Variants in RBFOX1 observed in about 807,000 individuals in gnomAD.
RBFOX1 encodes the protein RNA binding protein fox-1 homolog 1.
Under a neutral mutation model 57.7 loss-of-function variants are expected in RBFOX1, and 8 were observed. That is an observed-to-expected ratio of 0.14 (90% CI 0.08 to 0.25). The LOEUF is 0.25. Among genes scored for constraint, RBFOX1 ranks in the 10% least tolerant of loss-of-function variants. The pLI, the probability that RBFOX1 is intolerant of heterozygous loss-of-function variation, is 1.00. For missense variants in RBFOX1, 611 were observed against 548.5 expected, an observed-to-expected ratio of 1.11 and a Z score of -1.14; for synonymous variants, 326 against 222.4, an observed-to-expected ratio of 1.47 and a Z score of -4.15.
intron 3 of RBFOX1, among the ~76,000 whole-genome samples, chr16:5,817,900 C>T (rs1160368391): frequency 6.6e-6 from 1 of 151,944 alleles, no homozygotes; most frequent in Non-Finnish European, 1.5e-5. Flanking sequence ...CCGTGTTAGC[C>T]AGGATGGTCT....
rs564124037 is a variant in RBFOX1, at chr16:6,435,271, TTTGTTATTG to T, written c.-64+118229_-64+118237del. Among the ~76,000 whole-genome samples, 1,512 of 152,022 alleles carry T rather than the reference TTTGTTATTG, an allele frequency of 9.9e-3. 17 individuals are homozygous for T. Among genetic ancestry groups the T allele is most frequent in the Admixed American group, 0.037 (572 of 15,262 alleles). ...GTTTTGTGTCATTGCTAGCACTCAT[TTTGTTATTG>T]TTGTTATTGTTGTTGTTTTTTGTTT... On this transcript the variant is annotated intron_variant, in intron 2 of 15. Coordinates refer to ENST00000550418, the MANE Select transcript of RBFOX1 (RefSeq NM_018723.4).
intron 1 of RBFOX1, among the ~76,000 whole-genome samples, chr16:5,284,285 C>G (rs1460211086): frequency 6.6e-6 from 1 of 152,156 alleles, no homozygotes; most frequent in African/African-American, 2.4e-5. Context: ...TGAAAACAGA[C>G]TAATACACCC....
At chr16:6,630,920 G>C (rs772845604) in intron 2 of RBFOX1, among the ~76,000 whole-genome samples, 1 of 152,036 alleles carries the variant, frequency 6.6e-6, no homozygotes, top group Non-Finnish European at 1.5e-5. Context: ...GAGTACATTA[G>C]ACTTCAATTA....
At chr16:6,029,870 C>T (rs1022487701) in intron 1 of RBFOX1, among the ~76,000 whole-genome samples, 2 of 151,286 alleles carry the variant, frequency 1.3e-5, no homozygotes, top group East Asian at 1.9e-4. Context: ...GCAGGACAAG[C>T]GAGCTATGAA....
At chr16:6,986,906 G>C (rs921713514) in intron 3 of RBFOX1, among the ~76,000 whole-genome samples, 36 of 152,210 alleles carry the variant, frequency 2.4e-4, no homozygotes, top group African/African-American at 8.4e-4. Context: ...GACCTGAAAG[G>C]TTATCTAATC....
intron 3 of RBFOX1, among the ~76,000 whole-genome samples, chr16:5,815,204 G>C (rs951788200): frequency 4.6e-5 from 6 of 131,082 alleles, no homozygotes; most frequent in Non-Finnish European, 7.7e-5. Context: ...ATGTTGCCAA[G>C]GCTGGCCTCA....
intron 2 of RBFOX1, among the ~76,000 whole-genome samples, chr16:6,445,636 G>T (rs1429856303): frequency 6.8e-6 from 1 of 146,770 alleles, no homozygotes; most frequent in African/African-American, 2.5e-5. Flanking sequence ...AGGATGGCAT[G>T]CAGTGGGACA....
intron 3 of RBFOX1, among the ~76,000 whole-genome samples, chr16:5,642,833 G>T (rs962806897): frequency 6.6e-6 from 1 of 152,130 alleles, no homozygotes; most frequent in African/African-American, 2.4e-5. Flanking sequence ...CATAATACTA[G>T]AGGCAAGGTG....
At position 6,328,222 on chromosome 16, in the gene RBFOX1, A is replaced by G. The variant is rs7199423; in HGVS notation, c.-64+11165A>G. Among the ~76,000 whole-genome samples, 895 of 152,298 alleles carry G rather than the reference A, an allele frequency of 5.9e-3. 8 individuals are homozygous for G. The highest frequency in any genetic ancestry group is 0.02 in the African/African-American group (846 of 41,568). The stretch of plus-strand genomic sequence containing the variant: ...ATGTTCTGACTCATAAGTGGGAGCT[A>G]AGCTATGAGAATGCAAAGGCATAAG... On this transcript the variant is annotated intron_variant, in intron 2 of 15. Coordinates refer to ENST00000550418, the MANE Select transcript of RBFOX1 (RefSeq NM_018723.4).
chr16:7,015,981 C>A (rs1216164651), intron 3 of RBFOX1, among the ~76,000 whole-genome samples: 1 of 152,106 alleles, frequency 6.6e-6, no homozygotes, highest in Admixed American at 6.6e-5. Flanking sequence ...TGATAGGCAA[C>A]ACCAGTAGTT....
At chr16:7,320,726 T>G (rs1245264259) in intron 4 of RBFOX1, among the ~76,000 whole-genome samples, 1 of 152,248 alleles carries the variant, frequency 6.6e-6, no homozygotes, top group Non-Finnish European at 1.5e-5. Flanking sequence ...ACAGATGTGA[T>G]TGTAAGAAAC....
At chr16:5,816,053 C>T (rs1463408548) in intron 3 of RBFOX1, among the ~76,000 whole-genome samples, 4 of 152,186 alleles carry the variant, frequency 2.6e-5, no homozygotes, top group Non-Finnish European at 5.9e-5. Context: ...CTGGCTAGGG[C>T]TGATAAGGTC....
At chr16:6,498,951 C>T (rs1267304812) in intron 2 of RBFOX1, among the ~76,000 whole-genome samples, 3 of 152,150 alleles carry the variant, frequency 2.0e-5, no homozygotes, top group Non-Finnish European at 4.4e-5. Context: ...CCTTCTCCTC[C>T]AATACACCCC....
At chr16:6,714,080 G>T (rs568306427) in intron 3 of RBFOX1, among the ~76,000 whole-genome samples, 1 of 152,170 alleles carries the variant, frequency 6.6e-6, no homozygotes. Flanking sequence ...TGCCATTCTT[G>T]TGATAGTAAG....
chr16:5,303,844 C>A (rs993712332), intron 1 of RBFOX1, among the ~76,000 whole-genome samples: 3 of 151,808 alleles, frequency 2.0e-5, no homozygotes, highest in Non-Finnish European at 2.9e-5. Flanking sequence ...GCCTTTTTTC[C>A]CCTGGAGCTA....
chr16:7,610,294 A>AT (rs901788476), intron 10 of RBFOX1, among the ~76,000 whole-genome samples: 7 of 150,272 alleles, frequency 4.7e-5, no homozygotes, highest in Non-Finnish European at 1.0e-4. Context: ...TCATTTTTGT[A>AT]TTTTTTTGTA....
intron 3 of RBFOX1, among the ~76,000 whole-genome samples, chr16:6,934,918 T>A (rs1267809529): frequency 6.6e-6 from 1 of 152,034 alleles, no homozygotes; most frequent in Non-Finnish European, 1.5e-5. Context: ...AAACCCTGTC[T>A]CTACCAAAAA....
intron 3 of RBFOX1, among the ~76,000 whole-genome samples, chr16:6,898,456 A>G (rs546585693): frequency 3.3e-5 from 5 of 152,300 alleles, no homozygotes; most frequent in East Asian, 3.9e-4. Context: ...AATCAGCTCT[A>G]TCAATTATTT....
chr16:6,448,083 A>G (rs368887593), intron 2 of RBFOX1, among the ~76,000 whole-genome samples: 4 of 149,386 alleles, frequency 2.7e-5, no homozygotes, highest in African/African-American at 5.0e-5. Flanking sequence ...TGAATAATTC[A>G]TGTTTGTTCG....
Sources: gnomAD v4.1 joint callset for allele counts (sites outside exome capture counted in the v4.1 genomes callset) on GRCh38, gnomAD v4.1.1 for gene constraint, MANE v1.5 for transcripts, NCBI Gene and HGNC (gene_info 2026-07-23, HGNC 2026-07-21) for gene names.